The following TMEM94 variants were observed in gnomAD, a reference collection of about 807,000 sequenced individuals.
TMEM94 encodes ER Mg2+ ATPase.
A neutral mutation model predicts 158.6 loss-of-function variants in TMEM94; 81 were observed. The ratio of observed to expected loss-of-function variants is 0.51; its 90% CI spans 0.43 to 0.61. The LOEUF (loss-of-function observed/expected upper bound fraction) is 0.61, where lower values mean the gene tolerates loss of function less well. Ranked by LOEUF, TMEM94 falls within the 20% of genes least tolerant of loss-of-function variation. The pLI is 0.00. For synonymous variants in TMEM94, 751 were observed against 730.7 expected (o/e 1.03, Z -0.45); for missense variants, 1,435 against 1,762.0 (o/e 0.81, Z 3.32).
In TMEM94 at chr17:75,489,746, C is replaced by A; in HGVS notation, c.954+84C>A. The A allele has an allele frequency of 8.5e-7, 1 of 1,174,224 alleles. No individual in the cohort carries two copies. Among genetic ancestry groups the A allele is most frequent in the Non-Finnish European group, 1.3e-6 (1 of 791,644 alleles). The allele number at this position is 1,174,224 out of a possible 1,614,324, so 72.7% of individuals were successfully genotyped here. ...CTCCTAGTACCCTGGCTGTCCCTCC[C>A]TCTCTGCAGCCCAGAGGTCCCCTCA... On this transcript the variant is annotated intron_variant, in intron 9 of 31. Transcript: ENST00000314256. The surrounding 1 kb of genome is among the most constrained non-coding windows in gnomAD (Gnocchi z 5.0).
intron 2 of TMEM94, among the ~76,000 whole-genome samples, chr17:75,478,752 A>C (rs1488886893): frequency 6.6e-6 from 1 of 152,186 alleles, no homozygotes; most frequent in Non-Finnish European, 1.5e-5. Flanking sequence ...AGCAGTGAAA[A>C]CAGCGGAATG....
At chr17:75,483,407 G>A (rs918282169) in intron 2 of TMEM94, among the ~76,000 whole-genome samples, 5 of 152,024 alleles carry the variant, frequency 3.3e-5, no homozygotes, top group Non-Finnish European at 7.4e-5. Flanking sequence ...GTCACTGTGA[G>A]AGGAAAGGTG....
intron 1 of TMEM94, among the ~76,000 whole-genome samples, chr17:75,468,202 T>C (rs2050374705): frequency 6.6e-6 from 1 of 152,194 alleles, no homozygotes; most frequent in Admixed American, 6.5e-5. Context: ...AAGACCCTGC[T>C]ACGGGTTTCA....
At chr17:75,490,595 A>G in intron 10 of TMEM94, 107 bp from the exon 11 acceptor site, 5 of 1,076,128 alleles carry the variant, frequency 4.6e-6, no homozygotes, top group Non-Finnish European at 6.9e-6. Context: ...CCCTTTACCA[A>G]AGGGGTTGGG....
In TMEM94 at chr17:75,491,658, C is replaced by T. The variant is rs2052198719; in HGVS notation, c.1387-33C>T. The T allele has an allele frequency of 6.2e-7, 1 of 1,605,036 alleles. No individual in the cohort carries two copies. The highest frequency in any genetic ancestry group is 1.7e-5 in the Admixed American group (1 of 59,790). ...CTGCCTCCCCAGGCCATGGGAGCCA[C>T]TGGTCCTAGCCTGTGCTCCTCATTC... On this transcript the variant is annotated intron_variant, in intron 13 of 31. Coordinates refer to ENST00000314256, the MANE Select transcript of TMEM94 (RefSeq NM_014738.6). This position sits in a 1 kb window ranked among gnomAD's most constrained non-coding sequence, Gnocchi z 5.1.
At position 75,490,286 on chromosome 17, in the gene TMEM94, T is replaced by C; in HGVS notation, c.1007T>C (p.Leu336Pro). ...CTGCTCTTTCCAGTCCTCTGGGTTC[T>C]GGCAACTGCCTGTGGAGAGGCCCGT... ...LPLLFPVLWV[L>P]ATACGEARVL... Residue 336 changes from leucine to proline, a missense_variant, in exon 10 of 32, where the codon CTG becomes CCG. Transcript: ENST00000314256. 2 of 1,614,142 alleles carry C rather than the reference T, an allele frequency of 1.2e-6. No individual in the cohort carries two copies. The highest frequency in any genetic ancestry group is 1.7e-6 in the Non-Finnish European group (2 of 1,180,022).
intron 1 of TMEM94, among the ~76,000 whole-genome samples, chr17:75,461,897 G>C (rs970027156): frequency 7.0e-6 from 1 of 143,046 alleles, no homozygotes; most frequent in African/African-American, 2.6e-5. Context: ...ATGGACGACA[G>C]AGCAAGACTC....
chr17:75,476,239 A>G (rs2050684638), intron 2 of TMEM94, among the ~76,000 whole-genome samples: 1 of 152,166 alleles, frequency 6.6e-6, no homozygotes, highest in African/African-American at 2.4e-5. Flanking sequence ...TTTCTGGGAC[A>G]GGGGCAGTTT....
intron 1 of TMEM94, among the ~76,000 whole-genome samples, chr17:75,462,626 G>C (rs2050116240): frequency 6.6e-6 from 1 of 151,286 alleles, no homozygotes; most frequent in South Asian, 2.1e-4. Context: ...AAAATCGCTT[G>C]AGGCCAGGAG....
chr17:75,489,159 CACG>C lies in TMEM94; in HGVS notation c.765-106_765-104del, dbSNP rs1041764899. The C allele has an allele frequency of 1.3e-5, 14 of 1,114,174 alleles. No homozygotes were observed. The highest frequency in any genetic ancestry group is 1.7e-5 in the Non-Finnish European group (13 of 752,480). The allele number at this position is 1,114,174 out of a possible 1,614,324, so 69.0% of individuals were successfully genotyped here. On this transcript the variant is annotated intron_variant, in intron 7 of 31. Coordinates refer to ENST00000314256, the MANE Select transcript of TMEM94 (RefSeq NM_014738.6). This position sits in a 1 kb window ranked among gnomAD's most constrained non-coding sequence, Gnocchi z 5.0. ...GGGCAGAGCGTGGAACTGCAGGACT[CACG>C]GTGCTTGAAGAAGCGGTATCTGGCA...
At position 75,486,308 on chromosome 17, in the gene TMEM94, G is replaced by A. The variant is rs775645272; in HGVS notation, c.291G>A (p.Val97=). Reference sequence around the variant, plus strand: ...CCACCAGCCGTGGGGTGGGGCTGGTGAATGCCTCGGCCTTGTTCCTGTTAC... The same window carrying A: ...CCACCAGCCGTGGGGTGGGGCTGGTAAATGCCTCGGCCTTGTTCCTGTTAC... The part of the protein sequence containing the change: ...QPAGSRGVGL[V]NASALFLLLL... Residue 97 remains valine (V), a synonymous_variant, in exon 5 of 32, where the codon GTG becomes GTA. Transcript: ENST00000314256. The A allele has an allele frequency of 6.2e-7, 1 of 1,614,162 alleles. No homozygotes were observed. Among genetic ancestry groups the A allele is most frequent in the Non-Finnish European group, 8.5e-7 (1 of 1,179,998 alleles).
chr17:75,465,679 A>ATATATATATATATTTTTTT (rs1247855961), intron 1 of TMEM94, among the ~76,000 whole-genome samples: 6 of 124,816 alleles, frequency 4.8e-5, no homozygotes, highest in African/African-American at 2.1e-4. Flanking sequence ...ATATATATAT[A>ATATATATATATATTTTTTT]TTTTTTTTTA....
rs770292257 is a variant in TMEM94, at chr17:75,492,628, C to T, written c.1751C>T (p.Pro584Leu). The T allele has an allele frequency of 7.4e-6, 12 of 1,613,970 alleles. No homozygotes were observed. In the Admixed American group the frequency reaches 2.0e-4, roughly 27 times the overall value. ...CAGCTGCACCTCACCTCCCTCAAAC[C>T]CCTGGGCCTCAATGTGCTGCTGAAC... Reference protein sequence around the residue: ...NWQLHLTSLKPLGLNVLLNLC... With the variant: ...NWQLHLTSLKLLGLNVLLNLC... Residue 584 changes from proline (P) to leucine (L), a missense_variant, in exon 15 of 32, where the codon CCC becomes CTC. Physicochemically the swap from Pro to Leu is moderately conservative, Grantham distance 98 (BLOSUM62 -3). Transcript: ENST00000314256. This position sits in a 1 kb window ranked among gnomAD's most constrained non-coding sequence, Gnocchi z 4.4.
rs1212643438 is a variant in TMEM94, at chr17:75,495,636, C to G, written c.2937C>G (p.Thr979=). 5 of 1,613,334 alleles carry G rather than the reference C, an allele frequency of 3.1e-6. No homozygotes were observed. The highest frequency in any genetic ancestry group is 4.2e-6 in the Non-Finnish European group (5 of 1,179,900). ...TAGTGCCCCTTTTCACCGACTGCACCCCAGAGAGTGAGTGCTGTGGCCATG... is the reference window on the plus strand; with the variant it reads ...TAGTGCCCCTTTTCACCGACTGCACGCCAGAGAGTGAGTGCTGTGGCCATG... ...PLLVPLFTDC[T]PETMCEMIKI... is the part of the protein sequence containing the mutation. Residue 979 remains threonine (T), a synonymous_variant, in exon 22 of 32, where the codon ACC becomes ACG. Coordinates refer to ENST00000314256, the MANE Select transcript of TMEM94 (RefSeq NM_014738.6). The surrounding 1 kb of genome is among the most constrained non-coding windows in gnomAD (Gnocchi z 5.6).
In TMEM94 at chr17:75,489,543, G is replaced by A. The variant is rs573784188; in HGVS notation, c.868-33G>A. 198 of 1,595,684 alleles carry A rather than the reference G, an allele frequency of 1.2e-4. No homozygotes were observed. Among genetic ancestry groups the A allele is most frequent in the Admixed American group, 2.7e-4 (16 of 59,998 alleles). ...GTGCCTGGGTCCCTCTAGAGGGGCG[G>A]GGTCAAGGCTGTGCCTCTGCTGTTC... On this transcript the variant is annotated intron_variant, in intron 8 of 31. Transcript: ENST00000314256. The surrounding 1 kb of genome is among the most constrained non-coding windows in gnomAD (Gnocchi z 5.0).
intron 1 of TMEM94, among the ~76,000 whole-genome samples, chr17:75,469,385 G>T (rs190116324): frequency 4.2e-5 from 6 of 141,790 alleles, no homozygotes; most frequent in African/African-American, 1.6e-4. Flanking sequence ...TCACTTTGTC[G>T]CCCGACTGGA....
chr17:75,495,894 C>T lies in TMEM94; in HGVS notation c.2945-72C>T, dbSNP rs190384114. The T allele has an allele frequency of 2.4e-3, 2,729 of 1,132,188 alleles. 9 individuals are homozygous for T. The highest frequency in any genetic ancestry group is 9.4e-3 in the Middle Eastern group (48 of 5,108). The allele number at this position is 1,132,188 out of a possible 1,614,324, so 70.1% of individuals were successfully genotyped here. On this transcript the variant is annotated intron_variant, in intron 22 of 31. Transcript: ENST00000314256. This position sits in a 1 kb window ranked among gnomAD's most constrained non-coding sequence, Gnocchi z 5.6. ...CCCATCGCCTCCTGCTCTCCTGTCC[C>T]ATGGGTCTCTGCCCAGTGCCCACTT...
chr17:75,476,657 G>A (rs775677138), intron 2 of TMEM94: 2 of 1,534,954 alleles, frequency 1.3e-6, no homozygotes, highest in East Asian at 2.4e-5. Context: ...GGAAGTTCTT[G>A]CAGCTGACTG....
intron 2 of TMEM94, 77 bp downstream of exon 2, chr17:75,472,006 G>A (rs2050519730): frequency 1.3e-6 from 2 of 1,504,740 alleles, no homozygotes; most frequent in Non-Finnish European, 1.8e-6. Context: ...TTTTGCCTGG[G>A]AGATCCTTAA....
Sources: allele counts gnomAD v4.1 joint callset (sites outside exome capture counted in the v4.1 genomes callset), GRCh38; gene constraint gnomAD v4.1.1; non-coding constraint Gnocchi (gnomAD v3.1); transcripts MANE v1.5; gene names NCBI Gene and HGNC (gene_info 2026-07-23, HGNC 2026-07-21).